Variants in RPS6KA2 observed in about 807,000 individuals in gnomAD.
RPS6KA2 encodes the protein ribosomal protein S6 kinase alpha-2.
Under a neutral mutation model 91.8 loss-of-function variants are expected in RPS6KA2, and 42 were observed. The observed-to-expected ratio is 0.46, with a 90% CI of 0.36 to 0.59. The LOEUF is 0.59. Ranked by LOEUF, RPS6KA2 falls within the 20% of genes least tolerant of loss-of-function variation. RPS6KA2 has a pLI of 0.00. For synonymous variants in RPS6KA2, 414 were observed against 393.6 expected (o/e 1.05, Z -0.61); for missense variants, 798 against 978.5 (o/e 0.82, Z 2.46).
intron 2 of RPS6KA2, among the ~76,000 whole-genome samples, chr6:166,810,361 G>A (rs845675): frequency 0.55 from 83,830 of 151,720 alleles, 23,842 homozygotes; most frequent in East Asian, 0.65. Context: ...AACAGACTCG[G>A]GAGTGCAAAG....
intron 1 of RPS6KA2, among the ~76,000 whole-genome samples, chr6:166,548,849 T>A (rs1017531467): frequency 3.3e-5 from 5 of 152,198 alleles, no homozygotes; most frequent in South Asian, 2.1e-4. Flanking sequence ...TTCATCAAAA[T>A]TTAAAGCTTT....
At position 166,581,586 on chromosome 6, in the gene RPS6KA2, T is replaced by C. The variant is rs557690649; in HGVS notation, c.100-42802A>G. 2.0e-5 allele frequency among the ~76,000 whole-genome samples: 3 copies of C among 152,218 alleles called. No individual in the cohort carries two copies. In the South Asian group the frequency reaches 6.2e-4, roughly 32 times the overall value. On this transcript the variant is annotated intron_variant, in intron 1 of 20. Coordinates refer to ENST00000265678, the MANE Select transcript of RPS6KA2 (RefSeq NM_021135.6). ...GGCCGGCTTCGAGTATGCGGGGCAG[T>C]GGGTGGGTATTTCGCTGTGTCCATT...
At chr6:166,692,216 A>G (rs1789227426) in intron 2 of RPS6KA2, among the ~76,000 whole-genome samples, 2 of 152,204 alleles carry the variant, frequency 1.3e-5, no homozygotes, top group Non-Finnish European at 2.9e-5. Flanking sequence ...AGTAAAAGGG[A>G]TAAAGTGAGG....
intron 2 of RPS6KA2, among the ~76,000 whole-genome samples, chr6:166,676,067 G>A (rs1483664782): frequency 6.6e-6 from 1 of 152,054 alleles, no homozygotes; most frequent in African/African-American, 2.4e-5. Context: ...TGTCATCCCA[G>A]CACTTTGGGA....
intron 1 of RPS6KA2, among the ~76,000 whole-genome samples, chr6:166,543,134 C>A (rs1318187483): frequency 1.3e-5 from 2 of 152,176 alleles, no homozygotes; most frequent in South Asian, 4.1e-4. Flanking sequence ...GCTTTGAGGG[C>A]AGCTTTGGTG....
intron 2 of RPS6KA2, among the ~76,000 whole-genome samples, chr6:166,532,428 G>A (rs976858028): frequency 9.9e-5 from 15 of 152,194 alleles, no homozygotes; most frequent in African/African-American, 3.4e-4. Flanking sequence ...TATTCTAGAG[G>A]CACAAATAAA....
intron 2 of RPS6KA2, among the ~76,000 whole-genome samples, chr6:166,717,841 T>A (rs898705894): frequency 4.0e-5 from 6 of 149,872 alleles, no homozygotes; most frequent in Admixed American, 4.0e-4. Context: ...TTTTCTTTTT[T>A]CTTCTTTTCT....
rs927123791 is a variant in RPS6KA2, at chr6:166,724,840, C to T, written c.123+133360G>A. On this transcript the variant is annotated intron_variant, in intron 2 of 21. Coordinates refer to the RPS6KA2 transcript ENST00000503859. ...ACACAGACTCCTGTCATAGCCTAGTCTGAAAGATAAACAAGTTAGCTCACG... is the reference window on the plus strand; with the variant it reads ...ACACAGACTCCTGTCATAGCCTAGTTTGAAAGATAAACAAGTTAGCTCACG... Among the ~76,000 whole-genome samples, 20 of 152,356 alleles carry T rather than the reference C, an allele frequency of 1.3e-4. No individual in the cohort carries two copies. In the East Asian group the frequency reaches 3.9e-3, roughly 29 times the overall value.
chr6:166,517,450 G>GTTTT (rs1562550709), intron 3 of RPS6KA2, among the ~76,000 whole-genome samples: 2 of 83,798 alleles, frequency 2.4e-5, no homozygotes, highest in African/African-American at 6.7e-5. Context: ...GCGTTCTTTT[G>GTTTT]TTTTGTTTTT....
upstream of RPS6KA2, among the ~76,000 whole-genome samples, chr6:166,632,239 T>C (rs1022856277): frequency 6.6e-6 from 1 of 152,150 alleles, no homozygotes; most frequent in African/African-American, 2.4e-5. Context: ...TGTGAGATGA[T>C]GGGTGTGTTC....
chr6:166,532,728 A>C (rs1410693721), intron 2 of RPS6KA2, among the ~76,000 whole-genome samples: 3 of 152,206 alleles, frequency 2.0e-5, no homozygotes, highest in Non-Finnish European at 4.4e-5. Flanking sequence ...GGTCCCAAGA[A>C]GTCACAGGCA....
chr6:166,616,082 C>T (rs915374506), intron 1 of RPS6KA2, among the ~76,000 whole-genome samples: 6 of 152,114 alleles, frequency 3.9e-5, no homozygotes, highest in African/African-American at 1.4e-4. Flanking sequence ...GGTGCAGGGA[C>T]GCAGCCTCAG....
At chr6:166,838,328 G>T (rs546679951) in intron 2 of RPS6KA2, among the ~76,000 whole-genome samples, 1 of 152,200 alleles carries the variant, frequency 6.6e-6, no homozygotes, top group Non-Finnish European at 1.5e-5. Context: ...TCTGGGGAAG[G>T]CAAGGATGAG....
intron 1 of RPS6KA2, among the ~76,000 whole-genome samples, chr6:166,561,215 G>T (rs1028215031): frequency 6.6e-6 from 1 of 152,104 alleles, no homozygotes; most frequent in African/African-American, 2.4e-5. Context: ...GAAGGCCAGC[G>T]GGCAGGAGCC....
In RPS6KA2 at chr6:166,593,453, A is replaced by G. The variant is rs527775763; in HGVS notation, c.99+33468T>C. On this transcript the variant is annotated intron_variant, in intron 1 of 20. Coordinates refer to ENST00000265678, the MANE Select transcript of RPS6KA2 (RefSeq NM_021135.6). ...ACAGTCAACTGGAATTATTGTGATCAAGTGTTAACAGAGTAAAATTATAAT... is the reference window on the plus strand; with the variant it reads ...ACAGTCAACTGGAATTATTGTGATCGAGTGTTAACAGAGTAAAATTATAAT... Among the ~76,000 whole-genome samples, 245 of 152,356 alleles carry G rather than the reference A, an allele frequency of 1.6e-3. 2 individuals carry two copies. The highest frequency in any genetic ancestry group is 5.7e-3 in the African/African-American group (235 of 41,584).
At chr6:166,696,416 C>G (rs1208364924) in intron 2 of RPS6KA2, among the ~76,000 whole-genome samples, 1 of 152,196 alleles carries the variant, frequency 6.6e-6, no homozygotes, top group East Asian at 1.9e-4. Context: ...GAGCTTCAGA[C>G]TAATATCTCC....
intron 11 of RPS6KA2, among the ~76,000 whole-genome samples, chr6:166,469,128 C>T (rs574699263): frequency 6.6e-5 from 10 of 152,282 alleles, no homozygotes; most frequent in South Asian, 4.1e-4. Flanking sequence ...GTGGGGGACG[C>T]GTCAGACGCT....
chr6:166,459,542 G>T lies in RPS6KA2; in HGVS notation c.982C>A (p.Arg328=). 1 of 1,612,554 alleles carries T rather than the reference G, an allele frequency of 6.2e-7. No homozygotes were observed. Among genetic ancestry groups the T allele is most frequent in the Non-Finnish European group, 8.5e-7 (1 of 1,178,748 alleles). The change falls in exon 12 of 21, where the codon CGG becomes AGG. Residue 328 remains arginine, a synonymous_variant. Coordinates refer to ENST00000265678, the MANE Select transcript of RPS6KA2 (RefSeq NM_021135.6). The surrounding 1 kb of genome is among the most constrained non-coding windows in gnomAD (Gnocchi z 4.9). Reference sequence around the variant, plus strand: ...TTGAACGGTGGCTTGATCTCCTTCCGGTACAGCGTCTATTAATACAAGGAA... The same window carrying T: ...TTGAACGGTGGCTTGATCTCCTTCCTGTACAGCGTCTATTAATACAAGGAA... The part of the protein sequence containing the change: ...FVTIDWNTLY[R]KEIKPPFKPA...
chr6:166,720,442 T>C (rs1353092963), intron 2 of RPS6KA2, among the ~76,000 whole-genome samples: 2 of 152,160 alleles, frequency 1.3e-5, no homozygotes, highest in Non-Finnish European at 2.9e-5. Flanking sequence ...AATGCACTTC[T>C]TTTCCCCAAA....
Sources: gnomAD v4.1 joint callset for allele counts (sites outside exome capture counted in the v4.1 genomes callset) on GRCh38, gnomAD v4.1.1 for gene constraint, Gnocchi (gnomAD v3.1) non-coding constraint, MANE v1.5 for transcripts, NCBI Gene and HGNC (gene_info 2026-07-23, HGNC 2026-07-21) for gene names.